Variants in PTGER2 observed in about 807,000 individuals in gnomAD.
PTGER2 encodes the protein prostaglandin E2 receptor EP2 subtype.
A neutral mutation model predicts 26.2 loss-of-function variants in PTGER2; 22 were observed. That is an observed-to-expected ratio of 0.84 (90% CI 0.60 to 1.20). PTGER2 has a LOEUF of 1.20. PTGER2 is among the 50% of genes most tolerant of loss of function. The probability of loss-of-function intolerance (pLI) is 0.00; values close to 1 mark genes in which losing one functional copy is unlikely to be tolerated. For missense variants in PTGER2, 458 were observed against 475.2 expected (o/e 0.96, Z 0.34); for synonymous variants, 219 against 208.9 (o/e 1.05, Z -0.42).
At chr14:52,317,478 T>C (rs919549022) in intron 1 of PTGER2, among the ~76,000 whole-genome samples, 1 of 152,188 alleles carries the variant, frequency 6.6e-6, no homozygotes, top group Admixed American at 6.5e-5. Context: ...TGTGTGGATA[T>C]AGATATAGAT....
rs745316206 is a variant in PTGER2, at chr14:52,327,816, C to T, written c.*362C>T. 2.3e-4 allele frequency: 48 copies of T among 207,496 alleles called. No individual in the cohort carries two copies. The highest frequency in any genetic ancestry group is 3.2e-4 in the Non-Finnish European group (33 of 102,094). 12.9% of individuals were successfully genotyped at this position (207,496 alleles called of 1,614,324 possible). On this transcript the variant is annotated 3_prime_UTR_variant, in exon 2 of 2. Coordinates refer to ENST00000245457, the MANE Select transcript of PTGER2 (RefSeq NM_000956.4). ...GACTGTACTTTCTATTTTAATCTTG[C>T]TACTACCGTTATACACATATAGTGT...
rs767309328 is a variant in PTGER2, at chr14:52,314,501, G to A, written c.-48G>A. On this transcript the variant is annotated 5_prime_UTR_variant, in exon 1 of 2. Coordinates refer to ENST00000245457, the MANE Select transcript of PTGER2 (RefSeq NM_000956.4). The surrounding 1 kb of genome is among the most constrained non-coding windows in gnomAD (Gnocchi z 5.7). ...CGGCTCTCAGACCCTCTTCCTCCCA[G>A]GTAAAGGCCGGGAGAGGAGGGCGCA... 7.0e-7 allele frequency: 1 copy of A among 1,435,732 alleles called. No homozygotes were observed. The highest frequency in any genetic ancestry group is 9.1e-7 in the Non-Finnish European group (1 of 1,094,220). 88.9% of individuals were successfully genotyped at this position (1,435,732 alleles called of 1,614,324 possible). A position where few individuals can be genotyped will look rare whatever the true frequency, so the allele number is the denominator to read the frequency against.
intron 1 of PTGER2, among the ~76,000 whole-genome samples, chr14:52,322,715 C>G (rs909836533): frequency 3.3e-5 from 5 of 152,096 alleles, no homozygotes; most frequent in Non-Finnish European, 7.4e-5. Context: ...GACCTCCCCC[C>G]AGGAATGCAT....
At chr14:52,320,642 G>C (rs753392242) in intron 1 of PTGER2, among the ~76,000 whole-genome samples, 1 of 152,182 alleles carries the variant, frequency 6.6e-6, no homozygotes, top group African/African-American at 2.4e-5. Flanking sequence ...CTCCTGTCCT[G>C]TTTTGAAATT....
chr14:52,320,146 C>A (rs1364850269), intron 1 of PTGER2, among the ~76,000 whole-genome samples: 1 of 152,166 alleles, frequency 6.6e-6, no homozygotes. Flanking sequence ...AACTGGAAGG[C>A]CCTTTATCAT....
intron 1 of PTGER2, among the ~76,000 whole-genome samples, chr14:52,317,290 C>T (rs1020209684): frequency 7.9e-5 from 12 of 152,162 alleles, no homozygotes; most frequent in African/African-American, 2.7e-4. Flanking sequence ...TAGTCTCTTT[C>T]CTACACGAGC....
intron 1 of PTGER2, among the ~76,000 whole-genome samples, chr14:52,321,200 G>A (rs2033891406): frequency 6.6e-6 from 1 of 152,066 alleles, no homozygotes; most frequent in Non-Finnish European, 1.5e-5. Flanking sequence ...AAGCACCTGT[G>A]ATTCAGGCAA....
chr14:52,316,428 G>C (rs2033841745), intron 1 of PTGER2, among the ~76,000 whole-genome samples: 1 of 152,182 alleles, frequency 6.6e-6, no homozygotes, highest in Non-Finnish European at 1.5e-5. Flanking sequence ...TCTTACGGGG[G>C]CTAGGAATTG....
chr14:52,327,142 C>G (rs1232546725), intron 1 of PTGER2, 79 bp from the exon 2 acceptor site: 17 of 1,070,260 alleles, frequency 1.6e-5, no homozygotes, highest in Admixed American at 2.5e-5. Flanking sequence ...TTTTAAATCT[C>G]AAGACATAAC....
intron 1 of PTGER2, 64 bp downstream of exon 1, chr14:52,315,455 G>A: frequency 1.3e-6 from 2 of 1,577,318 alleles, no homozygotes; most frequent in East Asian, 2.2e-5. Flanking sequence ...CTCCCCTGAC[G>A]CCTCCACCCT....
intron 1 of PTGER2, among the ~76,000 whole-genome samples, chr14:52,323,974 T>G (rs539302148): frequency 6.6e-6 from 1 of 152,344 alleles, no homozygotes; most frequent in South Asian, 2.1e-4. Context: ...ATTAATTAAT[T>G]ATCTTATATC....
At chr14:52,319,272 C>G (rs972162349) in intron 1 of PTGER2, among the ~76,000 whole-genome samples, 4 of 152,188 alleles carry the variant, frequency 2.6e-5, no homozygotes, top group Non-Finnish European at 5.9e-5. Flanking sequence ...TATGTGGTTC[C>G]CTTTCTTTTC....
At chr14:52,315,497 T>C in intron 1 of PTGER2, 106 bp downstream of exon 1, 1 of 1,382,006 alleles carries the variant, frequency 7.2e-7, no homozygotes, top group Admixed American at 2.2e-5. Context: ...TTGCAACTTG[T>C]AAAAATATGT....
Position 52,327,365 on chromosome 14 carries a change from C to T in PTGER2, c.988C>T (p.Leu330Phe), listed in dbSNP as rs2033962388. The T allele has an allele frequency of 1.2e-6, 2 of 1,613,662 alleles. No individual in the cohort carries two copies. Among genetic ancestry groups the T allele is most frequent in the Non-Finnish European group, 1.7e-6 (2 of 1,179,632 alleles). Reference protein sequence around the residue: ...PPVLRLMRSVLCCRISLRTQD... With the variant: ...PPVLRLMRSVFCCRISLRTQD... ...TGTTCTGAGACTAATGCGTTCAGTC[C>T]TCTGTTGTCGGATTTCATTAAGAAC... The change falls in exon 2 of 2, where the codon CTC becomes TTC. Residue 330 changes from leucine to phenylalanine, a missense_variant. Physicochemically the swap from Leu to Phe is conservative, Grantham distance 22. Transcript: ENST00000245457.
chr14:52,319,760 C>T (rs986555841), intron 1 of PTGER2, among the ~76,000 whole-genome samples: 1 of 152,152 alleles, frequency 6.6e-6, no homozygotes, highest in Non-Finnish European at 1.5e-5. Context: ...TTTCCACATG[C>T]CATGAGGATA....
intron 1 of PTGER2, among the ~76,000 whole-genome samples, chr14:52,317,421 A>G (rs2033852066): frequency 6.6e-6 from 1 of 152,216 alleles, no homozygotes; most frequent in Non-Finnish European, 1.5e-5. Context: ...GCCTTTTACC[A>G]TGAGAATTCC....
chr14:52,316,869 G>A (rs1290970890), intron 1 of PTGER2, among the ~76,000 whole-genome samples: 1 of 152,220 alleles, frequency 6.6e-6, no homozygotes, highest in Non-Finnish European at 1.5e-5. Flanking sequence ...ATAAAATGAA[G>A]TCGGACTGTG....
intron 1 of PTGER2, 30 bp downstream of exon 1, chr14:52,315,421 G>A (rs369111075): frequency 6.2e-7 from 1 of 1,607,780 alleles, no homozygotes; most frequent in Admixed American, 1.7e-5. Context: ...TCCACAGCCC[G>A]GCTCTGCTCA....
Position 52,314,997 on chromosome 14 carries a change from G to T in PTGER2, c.449G>T (p.Arg150Leu). Residue 150 changes from arginine to leucine, a missense_variant, in exon 1 of 2, where the codon CGC (arginine) becomes CTC (leucine). By Grantham distance (102) the Arg-to-Leu change is moderately radical (BLOSUM62 -2). Transcript: ENST00000245457. This position sits in a 1 kb window ranked among gnomAD's most constrained non-coding sequence, Gnocchi z 5.7. The stretch of plus-strand genomic sequence containing the variant: ...TACTTCTACCAGCGCCGCGTCTCGC[G>T]CTCCGGGGGCCTGGCCGTGCTGCCT... Reference protein sequence around the residue: ...HPYFYQRRVSRSGGLAVLPVI... With the variant: ...HPYFYQRRVSLSGGLAVLPVI... The T allele has an allele frequency of 1.2e-6, 2 of 1,613,358 alleles. No individual in the cohort carries two copies. Among genetic ancestry groups the T allele is most frequent in the Non-Finnish European group, 8.5e-7 (1 of 1,180,018 alleles).
Sources: allele counts gnomAD v4.1 joint callset (sites outside exome capture counted in the v4.1 genomes callset), GRCh38; gene constraint gnomAD v4.1.1; non-coding constraint Gnocchi (gnomAD v3.1); transcripts MANE v1.5; gene names NCBI Gene and HGNC (gene_info 2026-07-23, HGNC 2026-07-21).